CACNA2D3: variants seen among roughly 807,000 people sequenced by gnomAD.
The protein encoded by CACNA2D3 is calcium voltage-gated channel auxiliary subunit alpha2delta 3.
In CACNA2D3, 60 loss-of-function variants were observed where a neutral mutation model predicts 160.6. The observed-to-expected ratio is 0.37, with a 90% CI of 0.30 to 0.46. CACNA2D3 has a LOEUF of 0.46. CACNA2D3 is among the 20% of genes least tolerant of loss of function. CACNA2D3 has a pLI of 1.00. For synonymous variants in CACNA2D3, 558 were observed against 492.9 expected, an observed-to-expected ratio of 1.13 and a Z score of -1.75; for missense variants, 1,205 against 1,365.0, an observed-to-expected ratio of 0.88 and a Z score of 1.85.
chr3:54,458,464 T>C (rs966341557), intron 4 of CACNA2D3, among the ~76,000 whole-genome samples: 28 of 150,808 alleles, frequency 1.9e-4, no homozygotes, highest in Admixed American at 5.3e-4. Flanking sequence ...TTTTTTTTTT[T>C]TCCCTTTTAC....
Position 54,626,445 on chromosome 3 carries a change from G to C in CACNA2D3, c.964-1342G>C, listed in dbSNP as rs62255536. Reference sequence around the variant, plus strand: ...TGGAGAAGCCGGAAGTGGTGAAGACGCACCTGCGTGACGTGATCATCCTGC... The same window carrying C: ...TGGAGAAGCCGGAAGTGGTGAAGACCCACCTGCGTGACGTGATCATCCTGC... On this transcript the variant is annotated intron_variant, in intron 9 of 37. Transcript: ENST00000474759. The C allele has an allele frequency of 4.5e-4, 714 of 1,593,448 alleles. 3 individuals carry two copies. Among genetic ancestry groups the C allele is most frequent in the Non-Finnish European group, 5.3e-4 (625 of 1,170,666 alleles).
At chr3:54,353,866 C>T (rs989373315) in intron 3 of CACNA2D3, among the ~76,000 whole-genome samples, 1 of 152,162 alleles carries the variant, frequency 6.6e-6, no homozygotes, top group Non-Finnish European at 1.5e-5. Flanking sequence ...AAAGGCCCCT[C>T]AGGGTGATGC....
At chr3:54,131,155 A>C (rs184213782) in intron 2 of CACNA2D3, among the ~76,000 whole-genome samples, 2 of 152,354 alleles carry the variant, frequency 1.3e-5, no homozygotes, top group Non-Finnish European at 2.9e-5. Context: ...GCCTGGCTGC[A>C]TACATACATG....
At chr3:54,846,794 T>TGTA (rs1698942327) in intron 17 of CACNA2D3, among the ~76,000 whole-genome samples, 1 of 152,216 alleles carries the variant, frequency 6.6e-6, no homozygotes, top group Non-Finnish European at 1.5e-5. Flanking sequence ...GGTCCCTTGA[T>TGTA]GTAATACATG....
chr3:54,405,822 A>G (rs973860627), intron 4 of CACNA2D3, among the ~76,000 whole-genome samples: 1 of 148,330 alleles, frequency 6.7e-6, no homozygotes. Flanking sequence ...TTAATATCCA[A>G]AATTTATAAA....
At chr3:54,306,086 GTCT>G (rs1703593107) in intron 2 of CACNA2D3, among the ~76,000 whole-genome samples, 1 of 152,070 alleles carries the variant, frequency 6.6e-6, no homozygotes, top group South Asian at 2.1e-4. Context: ...TTTCCTCTGT[GTCT>G]TCTTTTTTTG....
chr3:54,565,564 T>G (rs1464057590), intron 6 of CACNA2D3, among the ~76,000 whole-genome samples: 1 of 152,148 alleles, frequency 6.6e-6, no homozygotes, highest in East Asian at 1.9e-4. Context: ...CTATCTAATA[T>G]CACTAATGTC....
At chr3:54,763,697 G>A (rs9843862) in intron 12 of CACNA2D3, among the ~76,000 whole-genome samples, 6 of 125,956 alleles carry the variant, frequency 4.8e-5, no homozygotes, top group Admixed American at 2.5e-4. Context: ...GTGTATATAT[G>A]TATATATGTA....
intron 4 of CACNA2D3, among the ~76,000 whole-genome samples, chr3:54,451,964 C>CT (rs1025133174): frequency 9.2e-4 from 140 of 152,308 alleles, no homozygotes; most frequent in Middle Eastern, 6.8e-3. Flanking sequence ...CTCCTGCATC[C>CT]TCCAGTGTCT....
chr3:54,846,929 G>C (rs1427088856), intron 17 of CACNA2D3, among the ~76,000 whole-genome samples: 1 of 152,238 alleles, frequency 6.6e-6, no homozygotes, highest in Non-Finnish European at 1.5e-5. Context: ...CTTAAGCCCA[G>C]TGTCTTGTGG....
chr3:54,320,339 A>G (rs997436191), intron 2 of CACNA2D3, 103 bp from the exon 3 acceptor site: 15 of 569,604 alleles, frequency 2.6e-5, no homozygotes, highest in Non-Finnish European at 4.6e-5. Context: ...GTCATGGTGT[A>G]ATTTTATCTT....
At chr3:54,338,467 C>CTCTGTGTGTGTGTG (rs996617901) in intron 3 of CACNA2D3, among the ~76,000 whole-genome samples, 37 of 136,530 alleles carry the variant, frequency 2.7e-4, no homozygotes, top group African/African-American at 1.0e-3. Context: ...TCTCCCCTCC[C>CTCTGTGTGTGTGTG]TGTGTGTGTG....
intron 2 of CACNA2D3, among the ~76,000 whole-genome samples, chr3:54,284,616 C>T (rs1011385541): frequency 6.6e-6 from 1 of 152,150 alleles, no homozygotes; most frequent in Admixed American, 6.5e-5. Flanking sequence ...CAGTAAACAT[C>T]TCTGTCTTGA....
intron 3 of CACNA2D3, among the ~76,000 whole-genome samples, chr3:54,333,968 C>T (rs1313179249): frequency 1.3e-5 from 2 of 152,212 alleles, no homozygotes; most frequent in African/African-American, 4.8e-5. Context: ...AAGCACGCTC[C>T]CTTAACCTGC....
At chr3:54,171,152 T>TTTTTTTTTTTTTTTTTTTTTTTTTG (rs1700560977) in intron 2 of CACNA2D3, among the ~76,000 whole-genome samples, 1 of 141,094 alleles carries the variant, frequency 7.1e-6, no homozygotes. Flanking sequence ...TTTTTTTTTT[T>TTTTTTTTTTTTTTTTTTTTTTTTTG]TTTTTTAGGA....
At chr3:54,691,255 T>G (rs1180612163) in intron 11 of CACNA2D3, among the ~76,000 whole-genome samples, 4 of 152,220 alleles carry the variant, frequency 2.6e-5, no homozygotes, top group Admixed American at 2.6e-4. Flanking sequence ...AGCCTTTCTC[T>G]TGGCTAACAG....
At chr3:54,660,724 C>G (rs1699952932) in intron 11 of CACNA2D3, among the ~76,000 whole-genome samples, 1 of 152,096 alleles carries the variant, frequency 6.6e-6, no homozygotes, top group African/African-American at 2.4e-5. Context: ...GAACATGTTC[C>G]ATTACTGCAG....
chr3:54,537,540 G>T (rs78641687), intron 5 of CACNA2D3, among the ~76,000 whole-genome samples: 2,837 of 152,190 alleles, frequency 0.019, 90 homozygotes, highest in African/African-American at 0.065. Context: ...AATAATGGCA[G>T]CAATTATGTT....
chr3:54,486,147 G>A (rs1001145787), intron 4 of CACNA2D3, among the ~76,000 whole-genome samples: 1 of 152,194 alleles, frequency 6.6e-6, no homozygotes, highest in African/African-American at 2.4e-5. Context: ...GAGGAGACTA[G>A]TGCAAACACC....
Sources: allele counts gnomAD v4.1 joint callset (sites outside exome capture counted in the v4.1 genomes callset), GRCh38; gene constraint gnomAD v4.1.1; transcripts MANE v1.5; gene names NCBI Gene and HGNC (gene_info 2026-07-23, HGNC 2026-07-21).